Variants in PRKD2 observed in about 807,000 individuals in gnomAD.
PRKD2 encodes the protein serine/threonine-protein kinase D2.
Under a neutral mutation model 86.0 loss-of-function variants are expected in PRKD2, and 22 were observed. That is an observed-to-expected ratio of 0.26 (90% CI 0.18 to 0.37). The LOEUF is 0.37. Among genes scored for constraint, PRKD2 ranks in the 10% least tolerant of loss-of-function variants. The pLI is 1.00. For synonymous variants in PRKD2, 509 were observed against 510.9 expected (o/e 1.00, Z 0.05); for missense variants, 818 against 1,199.2 (o/e 0.68, Z 4.70).
chr19:46,699,918 TAAAAAA>T (rs56355930), intron 7 of PRKD2, among the ~76,000 whole-genome samples: 1 of 107,312 alleles, frequency 9.3e-6, no homozygotes, highest in African/African-American at 3.7e-5. Context: ...CCCCCTATCT[TAAAAAA>T]AAAAAAAAAA....
chr19:46,697,405 C>A, intron 8 of PRKD2, 171 bp from the exon 9 acceptor site: 1 of 602,492 alleles, frequency 1.7e-6, no homozygotes, highest in Admixed American at 3.0e-5. Context: ...CCCAGCCCCG[C>A]CCCTAGCCTT....
chr19:46,684,314 A>G (rs59745898), intron 14 of PRKD2, among the ~76,000 whole-genome samples: 4,095 of 152,042 alleles, frequency 0.027, 190 homozygotes, highest in African/African-American at 0.088. Context: ...CATGTGTTGT[A>G]TATGTCATCT....
rs981957763 is a variant in PRKD2 at position 46,693,557 on chromosome 19, C to T, written c.1576+318G>A. 1.3e-5 allele frequency among the ~76,000 whole-genome samples: 2 copies of T among 152,204 alleles called. No individual in the cohort carries two copies. Among genetic ancestry groups the T allele is most frequent in the Non-Finnish European group, 2.9e-5 (2 of 68,036 alleles). On this transcript the variant is annotated intron_variant, in intron 10 of 17. Transcript: ENST00000291281. The surrounding 1 kb of genome is among the most constrained non-coding windows in gnomAD (Gnocchi z 4.5). Reference sequence around the variant, plus strand: ...GCTCAAGCAATTCTCCTGCCTCAGCCTTCCAAGTACCTGGAACTACAGGTG... The same window carrying T: ...GCTCAAGCAATTCTCCTGCCTCAGCTTTCCAAGTACCTGGAACTACAGGTG...
chr19:46,687,928 G>A (rs1181998146), intron 14 of PRKD2, among the ~76,000 whole-genome samples: 1 of 152,136 alleles, frequency 6.6e-6, no homozygotes, highest in Admixed American at 6.5e-5. Flanking sequence ...GAGTGCAGTG[G>A]CACGGTCATA....
At chr19:46,683,125 C>T (rs1262196444) in intron 14 of PRKD2, among the ~76,000 whole-genome samples, 1 of 151,086 alleles carries the variant, frequency 6.6e-6, no homozygotes, top group Non-Finnish European at 1.5e-5. Context: ...ATAGCTAGGA[C>T]TACAGGCATG....
At chr19:46,702,686 ATT>A in intron 5 of PRKD2, among the ~76,000 whole-genome samples, 1 of 148,036 alleles carries the variant, frequency 6.8e-6, no homozygotes, top group East Asian at 2.0e-4. Context: ...AGGTTCTAGA[ATT>A]TTTTTTTTTC....
At chr19:46,695,097 G>A (rs1418906243) in intron 9 of PRKD2, among the ~76,000 whole-genome samples, 1 of 152,098 alleles carries the variant, frequency 6.6e-6, no homozygotes, top group African/African-American at 2.4e-5. Context: ...CAGCTACTGT[G>A]GAGGTGGGAG....
intron 17 of PRKD2, 77 bp downstream of exon 17, chr19:46,674,956 C>A: frequency 7.1e-7 from 1 of 1,401,688 alleles, no homozygotes; most frequent in South Asian, 1.3e-5. Flanking sequence ...CCTTCACAAC[C>A]TGCCTAGCCA....
intron 14 of PRKD2, among the ~76,000 whole-genome samples, chr19:46,687,319 G>A (rs2053414809): frequency 6.6e-6 from 1 of 152,106 alleles, no homozygotes; most frequent in African/African-American, 2.4e-5. Context: ...TTGAACCCGG[G>A]AGGTCAAGGC....
rs2053241329 is a variant in PRKD2, at chr19:46,678,274, A to G, written c.2338+122T>C. On this transcript the variant is annotated intron_variant, in intron 16 of 17. Transcript: ENST00000291281. The surrounding 1 kb of genome is among the most constrained non-coding windows in gnomAD (Gnocchi z 5.7). ...ATCCCTCCAGTAGGCCCGCCCCAGC[A>G]CTGGGCTCCACCCCCAAGGTGCCAG... is the stretch of plus-strand genomic sequence containing the variant. 2.8e-6 allele frequency: 4 copies of G among 1,434,910 alleles called. No individual in the cohort carries two copies. The African/African-American group carries it at 4.2e-5, about 15-fold the overall frequency. The allele number at this position is 1,434,910 out of a possible 1,614,324, so 88.9% of individuals were successfully genotyped here. A position where few individuals can be genotyped will look rare whatever the true frequency, so the allele number is the denominator to read the frequency against.
chr19:46,705,233 A>G (rs1423407321), intron 3 of PRKD2, among the ~76,000 whole-genome samples: 1 of 152,046 alleles, frequency 6.6e-6, no homozygotes, highest in Non-Finnish European at 1.5e-5. Flanking sequence ...CTCTATGGTA[A>G]GCACCTCCTT....
Position 46,678,279 on chromosome 19 carries a change from G to C in PRKD2, c.2338+117C>G, listed in dbSNP as rs1378489906. ...TCCAGTAGGCCCGCCCCAGCACTGG[G>C]CTCCACCCCCAAGGTGCCAGGCTGT... On this transcript the variant is annotated intron_variant, in intron 16 of 17. Coordinates refer to ENST00000291281, the MANE Select transcript of PRKD2 (RefSeq NM_016457.5). The surrounding 1 kb of genome is among the most constrained non-coding windows in gnomAD (Gnocchi z 5.7). 4 of 1,455,028 alleles carry C rather than the reference G, an allele frequency of 2.7e-6. No homozygotes were observed. The East Asian group carries it at 7.4e-5, about 27-fold the overall frequency. 90.1% of individuals were successfully genotyped at this position (1,455,028 alleles called of 1,614,324 possible).
At chr19:46,682,903 T>G (rs989969435) in intron 14 of PRKD2, among the ~76,000 whole-genome samples, 2 of 151,830 alleles carry the variant, frequency 1.3e-5, no homozygotes, top group African/African-American at 2.4e-5. Context: ...TGTCTCACCA[T>G]GTTGCCCAGG....
rs1326449512 is a variant in PRKD2 at position 46,704,237 on chromosome 19, C to T, written c.821G>A (p.Arg274Gln). 3.1e-6 allele frequency: 5 copies of T among 1,613,948 alleles called. No homozygotes were observed. The highest frequency in any genetic ancestry group is 1.7e-5 in the Admixed American group (1 of 59,992). Residue 274 changes from arginine to glutamine, a missense_variant, in exon 5 of 18, where the codon CGG becomes CAG. Around this residue, in one of 5 missense-constraint regions of PRKD2, gnomAD observed 403 missense variants for 518.6 expected, o/e 0.78. Coordinates refer to ENST00000291281, the MANE Select transcript of PRKD2 (RefSeq NM_016457.5). ...PHTFLIHSYT[R>Q]PTVCQACKKL... ...CTTGCAAGCCTGGCAAACGGTGGGC[C>T]GTGTATAGCTGTGGATGAGGAAGGT...
intron 2 of PRKD2, 40 bp from the exon 3 acceptor site, chr19:46,711,078 A>T: frequency 6.5e-7 from 1 of 1,542,356 alleles, no homozygotes; most frequent in African/African-American, 1.4e-5. Flanking sequence ...GAGGCGGGGT[A>T]GGCCAAAGCT....
intron 15 of PRKD2, among the ~76,000 whole-genome samples, chr19:46,680,946 A>ATATATATATTTTTTTT: frequency 8.1e-4 from 39 of 48,222 alleles, no homozygotes; most frequent in African/African-American, 2.5e-3. Flanking sequence ...ATATATATAT[A>ATATATATATTTTTTTT]TTTTTTTTTT....
chr19:46,708,972 G>GTTTTTTTTTTTTTTTTTTTTTTTTTT (rs1363680607), intron 3 of PRKD2, among the ~76,000 whole-genome samples: 1 of 136,366 alleles, frequency 7.3e-6, no homozygotes, highest in Non-Finnish European at 1.6e-5. Flanking sequence ...TTTGTTTGTG[G>GTTTTTTTTTTTTTTTTTTTTTTTTTT]TTTTTTTTTT....
intron 15 of PRKD2, among the ~76,000 whole-genome samples, chr19:46,680,870 T>C (rs1385166336): frequency 1.4e-5 from 2 of 145,776 alleles, no homozygotes; most frequent in Non-Finnish European, 3.0e-5. Context: ...CCCCTGGCCT[T>C]AATAATTTTT....
rs910634396 is a variant in PRKD2, at chr19:46,711,146, T to TTTCC, written c.380-112_380-109dup. On this transcript the variant is annotated intron_variant, in intron 2 of 17. Transcript: ENST00000291281. ...GTGCTCCCAGCCGCAAGGTGTGATC[T>TTTCC]TTCCTTCCTTCCTTCATTTGCTCTC... 1.0e-5 allele frequency: 14 copies of TTTCC among 1,406,948 alleles called. No homozygotes were observed. In the East Asian group the frequency reaches 1.3e-4, roughly 13 times the overall value. The allele number at this position is 1,406,948 out of a possible 1,614,324, so 87.2% of individuals were successfully genotyped here. A position where few individuals can be genotyped will look rare whatever the true frequency, so the allele number is the denominator to read the frequency against.
Sources: allele counts gnomAD v4.1 joint callset (sites outside exome capture counted in the v4.1 genomes callset), GRCh38; gene constraint gnomAD v4.1.1; regional missense constraint gnomAD v4.1.1; non-coding constraint Gnocchi (gnomAD v3.1); transcripts MANE v1.5; gene names NCBI Gene and HGNC (gene_info 2026-07-23, HGNC 2026-07-21).